The following CNOT10 variants were observed in gnomAD, a reference collection of about 807,000 sequenced individuals.
The protein encoded by CNOT10 is CCR4-NOT transcription complex subunit 10, also known as CCR4-NOT transcription complex, subunit 10.
In CNOT10, 30 loss-of-function variants were observed where a neutral mutation model predicts 94.6. The observed-to-expected ratio is 0.32, with a 90% CI of 0.24 to 0.43. CNOT10 has a LOEUF of 0.43. CNOT10 is among the 20% of genes least tolerant of loss of function. The probability of loss-of-function intolerance (pLI) is 1.00; values close to 1 mark genes in which losing one functional copy is unlikely to be tolerated. For missense variants in CNOT10, 759 were observed against 877.2 expected (o/e 0.87, Z 1.70); for synonymous variants, 289 against 301.6 (o/e 0.96, Z 0.43).
chr3:32,713,505 T>C (rs572824473), intron 5 of CNOT10, 136 bp downstream of exon 5: 1 of 666,776 alleles, frequency 1.5e-6, no homozygotes, highest in Non-Finnish European at 2.4e-6. Flanking sequence ...AGCTTAAAGA[T>C]ACAATTTTCA....
intron 7 of CNOT10, among the ~76,000 whole-genome samples, chr3:32,719,121 C>T (rs1183714200): frequency 6.6e-6 from 1 of 152,104 alleles, no homozygotes; most frequent in South Asian, 2.1e-4. Context: ...TGGTGGCATG[C>T]GCCTGTAATC....
intron 18 of CNOT10, among the ~76,000 whole-genome samples, chr3:32,772,649 A>C (rs981294432): frequency 6.6e-6 from 1 of 152,130 alleles, no homozygotes; most frequent in East Asian, 1.9e-4. Context: ...GTGAGCCGTA[A>C]TCGCCCCACT....
At chr3:32,769,359 A>G (rs531136515) in intron 17 of CNOT10, 5 of 156,550 alleles carry the variant, frequency 3.2e-5, no homozygotes, top group Non-Finnish European at 7.1e-5. Flanking sequence ...GGCCGATGCT[A>G]TGGCTCTTAC....
chr3:32,762,763 C>T lies in CNOT10; in HGVS notation c.1740C>T (p.Ala580=). 1 of 1,589,662 alleles carries T rather than the reference C, an allele frequency of 6.3e-7. No homozygotes were observed. Among genetic ancestry groups the T allele is most frequent in the African/African-American group, 1.4e-5 (1 of 73,294 alleles). The change falls in exon 15 of 19, where the codon GCC becomes GCT. Residue 580 remains alanine (A), a synonymous_variant. Coordinates refer to ENST00000328834, the MANE Select transcript of CNOT10 (RefSeq NM_015442.3). ...KFLGHLYAAE[A]LISLDRISDA... ...TGGGACATTTATATGCTGCAGAAGC[C>T]CTCATCTCTCTCGACAGAATATCTG...
At chr3:32,734,676 A>T in intron 11 of CNOT10, 124 bp from the exon 12 acceptor site, 1 of 773,498 alleles carries the variant, frequency 1.3e-6, no homozygotes, top group Admixed American at 2.8e-5. Context: ...TGCTTATATT[A>T]AAATTTCTAC....
At chr3:32,692,826 G>A (rs1433215078) in intron 1 of CNOT10, among the ~76,000 whole-genome samples, 8 of 152,116 alleles carry the variant, frequency 5.3e-5, no homozygotes, top group Non-Finnish European at 7.4e-5. Context: ...TAGGCAGATC[G>A]CTTGAGCCCA....
intron 14 of CNOT10, among the ~76,000 whole-genome samples, 184 bp downstream of exon 14, chr3:32,759,755 C>T (rs1270201537): frequency 2.0e-5 from 3 of 152,300 alleles, no homozygotes; most frequent in African/African-American, 7.2e-5. Context: ...TTGTGCTGTA[C>T]TGAGCGTTAG....
At chr3:32,700,550 C>A (rs1697294345) in intron 1 of CNOT10, among the ~76,000 whole-genome samples, 1 of 152,202 alleles carries the variant, frequency 6.6e-6, no homozygotes, top group African/African-American at 2.4e-5. Context: ...CAGGGGTTTA[C>A]TCTGCCAGGT....
Position 32,704,837 on chromosome 3 carries a change from A to G in CNOT10, c.144A>G (p.Gln48=), listed in dbSNP as rs148097890. The stretch of plus-strand genomic sequence containing the variant: ...CTGGAAATTATGATGCCTGTCTACA[A>G]CACCTTGCCTGTCTACAAGATATAA... The part of the protein sequence containing the change: ...FTSGNYDACL[Q]HLACLQDINK... Residue 48 remains glutamine, a synonymous_variant, in exon 3 of 19, where the codon CAA becomes CAG. Coordinates refer to ENST00000328834, the MANE Select transcript of CNOT10 (RefSeq NM_015442.3). 463 of 1,569,134 alleles carry G rather than the reference A, an allele frequency of 3.0e-4. 3 individuals are homozygous for G. The African/African-American group carries it at 6.0e-3, about 20-fold the overall frequency.
chr3:32,767,112 A>G (rs1418842203), intron 17 of CNOT10, among the ~76,000 whole-genome samples: 2 of 152,188 alleles, frequency 1.3e-5, no homozygotes, highest in African/African-American at 2.4e-5. Context: ...AAGACTTCTG[A>G]TATAGAAAGT....
chr3:32,727,883 TG>T lies in CNOT10; in HGVS notation c.1215+16del. 2 of 1,604,464 alleles carry T rather than the reference TG, an allele frequency of 1.2e-6. No homozygotes were observed. Among genetic ancestry groups the T allele is most frequent in the Non-Finnish European group, 1.7e-6 (2 of 1,176,030 alleles). On this transcript the variant is annotated intron_variant, in intron 10 of 18. Coordinates refer to ENST00000328834, the MANE Select transcript of CNOT10 (RefSeq NM_015442.3). ...TGCCAATAAGGGGGTGAGTGCTACT[TG>T]GGTATCTTTTTAAACCCTGTCTTCT...
rs143530228 is a variant in CNOT10 at position 32,708,839 on chromosome 3, C to G, written c.430+19C>G. ...CCTTTTGGTATGTTATCTGTCAAGT[C>G]AAAAATTTCCCTATCTTCCCTATAC... On this transcript the variant is annotated intron_variant, in intron 4 of 18. Coordinates refer to ENST00000328834, the MANE Select transcript of CNOT10 (RefSeq NM_015442.3). The G allele has an allele frequency of 7.6e-4, 1,201 of 1,589,784 alleles. 12 individuals are homozygous for G. The African/African-American group carries it at 0.015, about 20-fold the overall frequency.
chr3:32,741,069 ACTCCTG>A, intron 13 of CNOT10, among the ~76,000 whole-genome samples: 1 of 150,418 alleles, frequency 6.6e-6, no homozygotes, highest in South Asian at 2.1e-4. Context: ...ACCCACTTCC[ACTCCTG>A]CTCCTGCCCC....
rs10601347 is a variant in CNOT10 at position 32,759,130 on chromosome 3, AGTGTGT to A, written c.1596-309_1596-304del. 8.6e-3 allele frequency among the ~76,000 whole-genome samples: 1,284 copies of A among 149,618 alleles called. 20 individuals are homozygous for A. Among genetic ancestry groups the A allele is most frequent in the African/African-American group, 0.03 (1,206 of 40,782 alleles). On this transcript the variant is annotated intron_variant, in intron 13 of 18. Transcript: ENST00000328834. ...AGTTCTCATTAGGCTATATATATAT[AGTGTGT>A]GTGTGTGTGTGTGTGTGTATTTATC...
intron 18 of CNOT10, among the ~76,000 whole-genome samples, chr3:32,770,411 C>T (rs1013237690): frequency 3.3e-5 from 5 of 149,358 alleles, no homozygotes; most frequent in Admixed American, 6.7e-5. Context: ...CTGCAAGTTC[C>T]GCCTCCCGGG....
At chr3:32,757,257 G>A (rs1342065212) in intron 13 of CNOT10, among the ~76,000 whole-genome samples, 42 of 112,624 alleles carry the variant, frequency 3.7e-4, no homozygotes, top group Admixed American at 9.9e-4. Flanking sequence ...TCAGCTTACC[G>A]CAACCTCCAC....
At chr3:32,707,544 C>G (rs1326785472) in intron 3 of CNOT10, among the ~76,000 whole-genome samples, 1 of 152,140 alleles carries the variant, frequency 6.6e-6, no homozygotes, top group East Asian at 1.9e-4. Flanking sequence ...TGGCTCATGC[C>G]TGTAATCCAA....
intron 13 of CNOT10, among the ~76,000 whole-genome samples, chr3:32,740,124 C>T (rs565981013): frequency 6.6e-6 from 1 of 152,158 alleles, no homozygotes; most frequent in African/African-American, 2.4e-5. Context: ...ACAGAGACCT[C>T]ATCTACCCTC....
intron 13 of CNOT10, among the ~76,000 whole-genome samples, chr3:32,751,164 A>G (rs140777215): frequency 0.052 from 7,972 of 152,272 alleles, 299 homozygotes; most frequent in Non-Finnish European, 0.081. Flanking sequence ...GCAGTGGCAC[A>G]ATCTTGGCTC....
Sources: allele counts gnomAD v4.1 joint callset (sites outside exome capture counted in the v4.1 genomes callset), GRCh38; gene constraint gnomAD v4.1.1; transcripts MANE v1.5; gene names NCBI Gene and HGNC (gene_info 2026-07-23, HGNC 2026-07-21).